PREPL: variants seen among roughly 807,000 people sequenced by gnomAD.
PREPL encodes prolyl endopeptidase-like.
Under a neutral mutation model 70.6 loss-of-function variants are expected in PREPL, and 77 were observed. The ratio of observed to expected loss-of-function variants is 1.09; its 90% confidence interval spans 0.91 to 1.32. The LOEUF (loss-of-function observed/expected upper bound fraction) is 1.32. Ranked by LOEUF, PREPL falls within the 40% of genes most tolerant of loss-of-function variation. The pLI, the probability that PREPL is intolerant of heterozygous loss-of-function variation, is 0.00. For synonymous variants in PREPL, 315 were observed against 264.8 expected (o/e 1.19, Z -1.84); for missense variants, 1,002 against 778.2 (o/e 1.29, Z -3.42).
At position 44,323,288 on chromosome 2, in the gene PREPL, AGTAAC is replaced by A; in HGVS notation, c.1598_1602del (p.Arg533LeufsTer7). The A allele has an allele frequency of 6.2e-7, 1 of 1,607,024 alleles. No individual in the cohort carries two copies. Among genetic ancestry groups the A allele is most frequent in the Non-Finnish European group, 8.5e-7 (1 of 1,175,322 alleles). On this transcript the variant is annotated frameshift_variant, in exon 11 of 14. Transcript: ENST00000409411. LOFTEE classifies it high-confidence loss of function. ...TGAGGTTTAATATTTTGATAGGGAC[AGTAAC>A]GTTTTATGTAGTTCTTGTGTTTTTC... is the stretch of plus-strand genomic sequence containing the variant.
Position 44,320,627 on chromosome 2 carries a change from T to C in PREPL, c.*729A>G. 1 of 1,613,660 alleles carries C rather than the reference T, an allele frequency of 6.2e-7. No individual in the cohort carries two copies. On this transcript the variant is annotated 3_prime_UTR_variant, in exon 14 of 14. Coordinates refer to ENST00000409411, the MANE Select transcript of PREPL (RefSeq NM_001171613.2). ...ATTCCAGTGTACTGAACATACTGTA[T>C]ACCTCGTGTTAGGCACCTTTATGAA...
At chr2:44,335,622 T>C (rs1192720842) in intron 7 of PREPL, among the ~76,000 whole-genome samples, 2 of 152,048 alleles carry the variant, frequency 1.3e-5, no homozygotes, top group Non-Finnish European at 2.9e-5. Flanking sequence ...ACCTAGGAAA[T>C]ATAATTCTAC....
At chr2:44,353,303 G>T (rs778741945) in intron 1 of PREPL, among the ~76,000 whole-genome samples, 1 of 152,040 alleles carries the variant, frequency 6.6e-6, no homozygotes, top group Non-Finnish European at 1.5e-5. Context: ...CTTATTACAG[G>T]CCAGGCGCAG....
chr2:44,325,876 A>G (rs1673440953), intron 10 of PREPL, among the ~76,000 whole-genome samples: 1 of 152,248 alleles, frequency 6.6e-6, no homozygotes, highest in African/African-American at 2.4e-5. Flanking sequence ...CAACTGCTAC[A>G]ATGTAACTTC....
rs774180242 is a variant in PREPL, at chr2:44,326,836, G to T, written c.1355C>A (p.Thr452Lys). Residue 452 changes from threonine to lysine, a missense_variant, in exon 10 of 14, where the codon ACG becomes AAG. Coordinates refer to ENST00000409411, the MANE Select transcript of PREPL (RefSeq NM_001171613.2). ...GLADLEACIK[T>K]LHGQGFSQPS... is the part of the protein sequence containing the mutation. ...CTGAGAAAAGCCTTGGCCATGAAGC[G>T]TCTTAATGCAAGCCTCTAAATCAGC... The T allele has an allele frequency of 5.0e-6, 8 of 1,613,982 alleles. No homozygotes were observed. Among genetic ancestry groups the T allele is most frequent in the African/African-American group, 1.3e-5 (1 of 74,898 alleles).
chr2:44,342,158 A>G lies in PREPL; in HGVS notation c.485+259T>C, dbSNP rs111343113. ...AGTTCTAGGTCATCTTTATGAATTT[A>G]CATGAATGAACTATGTTGTAATTCA... is the stretch of plus-strand genomic sequence containing the variant. On this transcript the variant is annotated intron_variant, in intron 5 of 13. Transcript: ENST00000409411. Among the ~76,000 whole-genome samples, 544 of 152,344 alleles carry G rather than the reference A, an allele frequency of 3.6e-3. 2 individuals carry two copies. Among genetic ancestry groups the G allele is most frequent in the African/African-American group, 0.012 (506 of 41,586 alleles).
At chr2:44,321,576 C>T (rs972610621) in intron 13 of PREPL, 131 bp from the exon 14 acceptor site, 28 of 1,494,856 alleles carry the variant, frequency 1.9e-5, no homozygotes, top group East Asian at 2.5e-5. Flanking sequence ...TACTTTCATT[C>T]GAGAGAGAGG....
At chr2:44,353,257 G>A (rs888493612) in intron 1 of PREPL, among the ~76,000 whole-genome samples, 1 of 151,892 alleles carries the variant, frequency 6.6e-6, no homozygotes, top group South Asian at 2.1e-4. Flanking sequence ...TTCTTCATTT[G>A]TTTAGAAAGA....
chr2:44,353,368 T>C (rs1676657342), intron 1 of PREPL, among the ~76,000 whole-genome samples: 1 of 152,034 alleles, frequency 6.6e-6, no homozygotes, highest in Non-Finnish European at 1.5e-5. Flanking sequence ...CAGATCACCC[T>C]GAGGTCAGGA....
In PREPL at chr2:44,321,265, CAA is replaced by C. The variant is rs1420743919; in HGVS notation, c.*89_*90del. On this transcript the variant is annotated 3_prime_UTR_variant, in exon 14 of 14. Coordinates refer to ENST00000409411, the MANE Select transcript of PREPL (RefSeq NM_001171613.2). ...TAAAAAATTAATAACTTAAAAGTCTCAAGTTATTAATTTTTTTTTTGCTAACT... is the reference window on the plus strand; with the variant it reads ...TAAAAAATTAATAACTTAAAAGTCTCGTTATTAATTTTTTTTTTGCTAACT... 5.4e-6 allele frequency: 6 copies of C among 1,109,162 alleles called. No individual in the cohort carries two copies. Among genetic ancestry groups the C allele is most frequent in the Non-Finnish European group, 7.8e-6 (6 of 768,942 alleles). 68.7% of individuals were successfully genotyped at this position (1,109,162 alleles called of 1,614,324 possible).
chr2:44,347,312 CAG>C (rs1370612648), intron 1 of PREPL: 1 of 152,108 alleles, frequency 6.6e-6, no homozygotes, highest in Non-Finnish European at 1.5e-5. Flanking sequence ...CTCCAGCATG[CAG>C]AGTGAGACCC....
intron 8 of PREPL, among the ~76,000 whole-genome samples, chr2:44,330,781 A>G (rs1037471119): frequency 1.5e-4 from 23 of 152,192 alleles, no homozygotes; most frequent in African/African-American, 5.3e-4. Context: ...TATAGTTTAC[A>G]TATTAATTTG....
chr2:44,330,065 T>G (rs1673935488), intron 8 of PREPL, among the ~76,000 whole-genome samples: 1 of 152,168 alleles, frequency 6.6e-6, no homozygotes, highest in African/African-American at 2.4e-5. Context: ...CATTCTTCTT[T>G]AAAATACCCA....
chr2:44,344,719 T>A, intron 2 of PREPL, 133 bp from the exon 3 acceptor site: 1 of 578,686 alleles, frequency 1.7e-6, no homozygotes, highest in Non-Finnish European at 2.9e-6. Flanking sequence ...TGAACACATA[T>A]GAAATATAAA....
At position 44,346,382 on chromosome 2, in the gene PREPL, C is replaced by G; in HGVS notation, c.-40G>C. ...GTTTTTCGTTTTCTTGTTTAACAGG[C>G]TGAAGATCCTGGAAAAAGTTTTGTT... On this transcript the variant is annotated 5_prime_UTR_variant, in exon 2 of 14. Coordinates refer to ENST00000409411, the MANE Select transcript of PREPL (RefSeq NM_001171613.2). 1 of 1,610,594 alleles carries G rather than the reference C, an allele frequency of 6.2e-7. No individual in the cohort carries two copies. The highest frequency in any genetic ancestry group is 1.1e-5 in the South Asian group (1 of 90,382).
At chr2:44,331,422 G>C (rs1674073480) in intron 8 of PREPL, among the ~76,000 whole-genome samples, 1 of 151,780 alleles carries the variant, frequency 6.6e-6, no homozygotes, top group South Asian at 2.1e-4. Context: ...CACCATATTG[G>C]CCAGGCTGGT....
intron 5 of PREPL, among the ~76,000 whole-genome samples, chr2:44,341,328 T>G (rs73924948): frequency 6.6e-6 from 1 of 152,204 alleles, no homozygotes; most frequent in Non-Finnish European, 1.5e-5. Context: ...AATTTTCACA[T>G]AGACTAGGAT....
chr2:44,341,074 C>A (rs918966387), intron 5 of PREPL, among the ~76,000 whole-genome samples: 7 of 152,158 alleles, frequency 4.6e-5, no homozygotes, highest in Admixed American at 1.3e-4. Flanking sequence ...GAGACTGCTA[C>A]TACCCTTTGT....
At chr2:44,355,244 GTCTCAAATA>G (rs1436890236) in intron 1 of PREPL, among the ~76,000 whole-genome samples, 2 of 152,140 alleles carry the variant, frequency 1.3e-5, no homozygotes, top group African/African-American at 4.8e-5. Context: ...CCATTAAGAT[GTCTCAAATA>G]AAATGTAATC....
Sources: gnomAD v4.1 joint callset for allele counts (sites outside exome capture counted in the v4.1 genomes callset) on GRCh38, gnomAD v4.1.1 for gene constraint, MANE v1.5 for transcripts, NCBI Gene and HGNC (gene_info 2026-07-23, HGNC 2026-07-21) for gene names.